Variants in DNAH11 observed in about 807,000 individuals in gnomAD.
DNAH11 encodes the protein axonemal beta dynein heavy chain 11.
DNAH11 carries 442 observed loss-of-function variants against 526.0 expected under a neutral mutation model. The ratio of observed to expected loss-of-function variants is 0.84; its 90% CI spans 0.78 to 0.91. The LOEUF (loss-of-function observed/expected upper bound fraction) is 0.91. Among genes scored for constraint, DNAH11 ranks in the 40% least tolerant of loss-of-function variants. DNAH11 has a pLI of 0.00. For missense variants in DNAH11, 6,989 were observed against 5,448.7 expected, an observed-to-expected ratio of 1.28 and a Z score of -8.90; for synonymous variants, 2,461 against 1,935.9, an observed-to-expected ratio of 1.27 and a Z score of -7.12.
At chr7:21,711,982 A>G in intron 42 of DNAH11, 122 bp downstream of exon 42, 1 of 1,187,336 alleles carries the variant, frequency 8.4e-7, no homozygotes, top group Non-Finnish European at 1.2e-6. Context: ...CCATCTCTGG[A>G]AGGATTTTAT....
At position 21,720,867 on chromosome 7, in the gene DNAH11, A is replaced by G; in HGVS notation, c.7266+11A>G. 1 of 1,610,140 alleles carries G rather than the reference A, an allele frequency of 6.2e-7. No individual in the cohort carries two copies. The highest frequency in any genetic ancestry group is 2.2e-5 in the East Asian group (1 of 44,762). On this transcript the variant is annotated intron_variant, in intron 44 of 81. Coordinates refer to ENST00000409508, the MANE Select transcript of DNAH11 (RefSeq NM_001277115.2). The stretch of plus-strand genomic sequence containing the variant: ...CTGCTACAAGATCAGGTATGTTTAG[A>G]AATAGTTTACAGGACCAGTTTCCAG...
Position 21,744,492 on chromosome 7 carries a change from C to G in DNAH11, c.8209C>G (p.Leu2737Val). 6.2e-7 allele frequency: 1 copy of G among 1,613,938 alleles called. No homozygotes were observed. Among genetic ancestry groups the G allele is most frequent in the Non-Finnish European group, 8.5e-7 (1 of 1,179,846 alleles). The stretch of plus-strand genomic sequence containing the variant: ...AAAAGGTCCACTTGATTTAATACAT[C>G]TGTGGCTTCATGAATCTGCCCGTGT... ...CLKGPLDLIHLWLHESARVYG... is the reference protein window; with the variant it reads ...CLKGPLDLIHVWLHESARVYG... The change falls in exon 50 of 82, where the codon CTG becomes GTG. Residue 2737 changes from leucine to valine, a missense_variant. Leu to Val is a conservative substitution (Grantham distance 32, BLOSUM62 1). Transcript: ENST00000409508.
chr7:21,589,383 T>G lies in DNAH11; in HGVS notation c.2149T>G (p.Cys717Gly), dbSNP rs776452457. Residue 717 changes from cysteine (C) to glycine (G), a missense_variant, in exon 12 of 82, where the codon TGT becomes GGT. Physicochemically the swap from Cys to Gly is radical, Grantham distance 159 (BLOSUM62 -3). Transcript: ENST00000409508. ...VKFSAINGLL[C>G]VNFDPKLVAV... Reference sequence around the variant, plus strand: ...ATTCAGTGCCATAAATGGTCTTCTCTGTGTCAATTTTGACCCAAAGGTAGG... The same window carrying G: ...ATTCAGTGCCATAAATGGTCTTCTCGGTGTCAATTTTGACCCAAAGGTAGG... 1.9e-6 allele frequency: 3 copies of G among 1,603,336 alleles called. No individual in the cohort carries two copies. Among genetic ancestry groups the G allele is most frequent in the Non-Finnish European group, 1.7e-6 (2 of 1,176,196 alleles).
At position 21,765,522 on chromosome 7, in the gene DNAH11, A is replaced by G. The variant is rs754692757; in HGVS notation, c.9035A>G (p.His3012Arg). 1.9e-6 allele frequency: 3 copies of G among 1,598,214 alleles called. No individual in the cohort carries two copies. Among genetic ancestry groups the G allele is most frequent in the African/African-American group, 1.3e-5 (1 of 74,634 alleles). ...IVNCTAIDWF[H>R]AWPQEALVSV... ...AACTGCACGGCTATTGACTGGTTTC[A>G]TGCGTGGCCGCAGGAGGCTCTGGTC... is the stretch of plus-strand genomic sequence containing the variant. Residue 3012 changes from histidine to arginine, a missense_variant, in exon 55 of 82, where the codon CAT becomes CGT. By Grantham distance (29) the His-to-Arg change is conservative. Transcript: ENST00000409508.
chr7:21,641,394 A>G lies in DNAH11; in HGVS notation c.4944+2329A>G, dbSNP rs149306474. On this transcript the variant is annotated intron_variant, in intron 28 of 81. Transcript: ENST00000409508. ...ATGGTACTTTCTGTAGAAGGCATGCATGGAGGTAGAGGAGGGTGGGGTATT... is the reference window on the plus strand; with the variant it reads ...ATGGTACTTTCTGTAGAAGGCATGCGTGGAGGTAGAGGAGGGTGGGGTATT... 8.7e-4 allele frequency among the ~76,000 whole-genome samples: 132 copies of G among 152,248 alleles called. 1 individual carries two copies. Among genetic ancestry groups the G allele is most frequent in the African/African-American group, 3.2e-3 (131 of 41,554 alleles).
chr7:21,664,317 T>G (rs1391088475), intron 30 of DNAH11, among the ~76,000 whole-genome samples: 1 of 152,094 alleles, frequency 6.6e-6, no homozygotes, highest in Non-Finnish European at 1.5e-5. Flanking sequence ...TAAATGTTCA[T>G]TTTTAAAGGT....
At chr7:21,764,560 A>G (rs999573950) in intron 54 of DNAH11, among the ~76,000 whole-genome samples, 3 of 152,170 alleles carry the variant, frequency 2.0e-5, no homozygotes, top group African/African-American at 7.2e-5. Flanking sequence ...ATAAAAGCAG[A>G]GAAGGAAAGG....
At chr7:21,595,642 T>C (rs1158164395) in intron 14 of DNAH11, among the ~76,000 whole-genome samples, 1 of 152,128 alleles carries the variant, frequency 6.6e-6, no homozygotes, top group Non-Finnish European at 1.5e-5. Context: ...ATTTCAGTTT[T>C]GGGCATTTTG....
intron 44 of DNAH11, among the ~76,000 whole-genome samples, chr7:21,722,816 G>C (rs778498706): frequency 9.3e-5 from 14 of 150,850 alleles, no homozygotes; most frequent in Non-Finnish European, 1.8e-4. Context: ...TCTCCACCAG[G>C]TATTTCTTTC....
At chr7:21,779,576 C>T (rs1048929454) in intron 57 of DNAH11, among the ~76,000 whole-genome samples, 1 of 152,104 alleles carries the variant, frequency 6.6e-6, no homozygotes. Context: ...CTTTTTGATT[C>T]GATCGAGGCC....
At position 21,635,884 on chromosome 7, in the gene DNAH11, C is replaced by T. The variant is rs1786839740; in HGVS notation, c.4514C>T (p.Thr1505Ile). 1 of 1,610,454 alleles carries T rather than the reference C, an allele frequency of 6.2e-7. No individual in the cohort carries two copies. ...CCTTTATTTTAGGTTCAGTTGCAGA[C>T]TCTTCTTCAAAGCAAGTATGTAGAA... The part of the protein sequence containing the change: ...TLEHNQVQLQ[T>I]LLQSKYVEYF... Residue 1505 changes from threonine (T) to isoleucine (I), a missense_variant, in exon 26 of 82, where the codon ACT becomes ATT. By Grantham distance (89) the Thr-to-Ile change is moderately conservative. Transcript: ENST00000409508.
chr7:21,800,988 C>T (rs1167379536), intron 61 of DNAH11, 149 bp from the exon 62 acceptor site: 1 of 785,830 alleles, frequency 1.3e-6, no homozygotes, highest in Non-Finnish European at 2.1e-6. Context: ...TCTTTTCCTT[C>T]TTCCCTAAAA....
intron 30 of DNAH11, among the ~76,000 whole-genome samples, chr7:21,668,329 A>G (rs771053535): frequency 6.6e-6 from 1 of 152,116 alleles, no homozygotes; most frequent in African/African-American, 2.4e-5. Flanking sequence ...ATTTTTTAGT[A>G]TAATAAAAAT....
At chr7:21,776,799 G>A (rs1562539278) in intron 56 of DNAH11, among the ~76,000 whole-genome samples, 1 of 152,146 alleles carries the variant, frequency 6.6e-6, no homozygotes. Flanking sequence ...AAATTACAAA[G>A]CATAGTACAG....
intron 55 of DNAH11, among the ~76,000 whole-genome samples, chr7:21,770,824 A>G (rs1159284854): frequency 6.6e-6 from 1 of 152,186 alleles, no homozygotes; most frequent in Non-Finnish European, 1.5e-5. Flanking sequence ...CCTAGGATTC[A>G]AACCCTTTGT....
chr7:21,548,269 TG>T (rs1455845142), intron 2 of DNAH11, among the ~76,000 whole-genome samples: 3 of 152,196 alleles, frequency 2.0e-5, no homozygotes, highest in African/African-American at 7.2e-5. Flanking sequence ...AGTGCAAGCC[TG>T]TTTTCTCAGG....
At chr7:21,610,733 G>A (rs554483788) in intron 20 of DNAH11, among the ~76,000 whole-genome samples, 7 of 152,042 alleles carry the variant, frequency 4.6e-5, no homozygotes, top group Non-Finnish European at 1.0e-4. Context: ...CAACTCAGCA[G>A]ATGGGTTAAA....
chr7:21,629,669 G>A (rs1384924759), intron 25 of DNAH11, among the ~76,000 whole-genome samples: 1 of 152,002 alleles, frequency 6.6e-6, no homozygotes. Flanking sequence ...TTATCATTAT[G>A]TAGTTATCTT....
At chr7:21,598,076 A>G (rs1784932847) in intron 14 of DNAH11, among the ~76,000 whole-genome samples, 1 of 152,164 alleles carries the variant, frequency 6.6e-6, no homozygotes, top group African/African-American at 2.4e-5. Context: ...TTACCTCTCT[A>G]GTTCTGATTC....
Sources: allele counts gnomAD v4.1 joint callset (sites outside exome capture counted in the v4.1 genomes callset), GRCh38; gene constraint gnomAD v4.1.1; transcripts MANE v1.5; gene names NCBI Gene and HGNC (gene_info 2026-07-23, HGNC 2026-07-21).